Variants in LDB2 observed in about 807,000 individuals in gnomAD.
The protein encoded by LDB2 is LIM domain-binding protein 2.
In LDB2, 12 loss-of-function variants were observed where a neutral mutation model predicts 44.3. The observed-to-expected ratio is 0.27, with a 90% CI of 0.17 to 0.44. The LOEUF (loss-of-function observed/expected upper bound fraction) is 0.44, where lower values mean the gene tolerates loss of function less well. Among genes scored for constraint, LDB2 ranks in the 20% least tolerant of loss-of-function variants. The pLI, the probability that LDB2 is intolerant of heterozygous loss-of-function variation, is 1.00. For missense variants in LDB2, 344 were observed against 473.5 expected (o/e 0.73, Z 2.54); for synonymous variants, 164 against 174.8 (o/e 0.94, Z 0.49).
At chr4:16,593,256 A>C (rs10017860) in intron 3 of LDB2, among the ~76,000 whole-genome samples, 38,623 of 152,040 alleles carry the variant, frequency 0.25, 5,274 homozygotes, top group East Asian at 0.45. Context: ...TGCACATAAT[A>C]TGCTAAGTAC....
At chr4:16,677,994 C>G (rs1215595001) in intron 2 of LDB2, among the ~76,000 whole-genome samples, 1 of 152,170 alleles carries the variant, frequency 6.6e-6, no homozygotes, top group Non-Finnish European at 1.5e-5. Flanking sequence ...TTCTCTGCAG[C>G]ATCTGAAACT....
chr4:16,769,886 C>T (rs1387303442), intron 1 of LDB2, among the ~76,000 whole-genome samples: 2 of 152,052 alleles, frequency 1.3e-5, no homozygotes, highest in Admixed American at 6.6e-5. Context: ...TTGAGAAAGT[C>T]GCATATTAAA....
rs1762419736 is a variant in LDB2 at position 16,738,994 on chromosome 4, TAGA to T, written c.235+20161_235+20163del. Among the ~76,000 whole-genome samples, 5 of 152,188 alleles carry T rather than the reference TAGA, an allele frequency of 3.3e-5. No individual in the cohort carries two copies. The South Asian group carries it at 1.0e-3, about 32-fold the overall frequency. ...GGAATATGCCTCAAAATCTTTGTGATAGAAGAAGAAAATAATTAGGAAAGAAAG... is the reference window on the plus strand; with the variant it reads ...GGAATATGCCTCAAAATCTTTGTGATAGAAGAAAATAATTAGGAAAGAAAG... On this transcript the variant is annotated intron_variant, in intron 2 of 7. Transcript: ENST00000304523.
At chr4:16,602,343 G>C (rs1722795826) in intron 2 of LDB2, among the ~76,000 whole-genome samples, 1 of 152,184 alleles carries the variant, frequency 6.6e-6, no homozygotes, top group Admixed American at 6.5e-5. Context: ...GAATTAAAGA[G>C]GTCCAGGCCC....
chr4:16,800,824 G>A (rs1026253281), intron 1 of LDB2, among the ~76,000 whole-genome samples: 1 of 152,134 alleles, frequency 6.6e-6, no homozygotes, highest in Non-Finnish European at 1.5e-5. Flanking sequence ...ACAGGCGCCC[G>A]CCACCAACGC....
intron 2 of LDB2, among the ~76,000 whole-genome samples, chr4:16,727,473 G>A (rs560307901): frequency 4.0e-5 from 6 of 151,804 alleles, no homozygotes; most frequent in South Asian, 2.1e-4. Flanking sequence ...TCTGAACCCC[G>A]CTCCAGGAAC....
intron 1 of LDB2, among the ~76,000 whole-genome samples, chr4:16,867,048 G>C (rs1714944913): frequency 6.6e-6 from 1 of 152,160 alleles, no homozygotes; most frequent in Non-Finnish European, 1.5e-5. Context: ...AAGATAATAT[G>C]ACTGCTGTCT....
At chr4:16,769,298 A>C (rs1204443544) in intron 1 of LDB2, among the ~76,000 whole-genome samples, 3 of 45,386 alleles carry the variant, frequency 6.6e-5, no homozygotes, top group Admixed American at 1.6e-4. Context: ...TTTATTTTTT[A>C]TTTTTATTTT....
At chr4:16,729,344 G>A (rs969589291) in intron 2 of LDB2, among the ~76,000 whole-genome samples, 1 of 152,062 alleles carries the variant, frequency 6.6e-6, no homozygotes, top group Non-Finnish European at 1.5e-5. Flanking sequence ...TAAGGGTAAC[G>A]CACATTTGCT....
chr4:16,763,931 C>T (rs112144242), intron 1 of LDB2, among the ~76,000 whole-genome samples: 18 of 151,622 alleles, frequency 1.2e-4, no homozygotes, highest in South Asian at 2.1e-4. Flanking sequence ...AGAAACTGCC[C>T]GGCATATAGT....
At position 16,561,273 on chromosome 4, in the gene LDB2, A is replaced by C. The variant is rs139483600; in HGVS notation, c.615+24649T>G. Among the ~76,000 whole-genome samples, 3,446 of 152,278 alleles carry C rather than the reference A, an allele frequency of 0.023. 254 individuals are homozygous for C. In the East Asian group the frequency reaches 0.27, roughly 12 times the overall value. ...CATTCAATTAGGAAAAGAGGAAGTC[A>C]AATTGTCCCTGTTTGCAGATGACGT... On this transcript the variant is annotated intron_variant, in intron 5 of 7. Coordinates refer to ENST00000304523, the MANE Select transcript of LDB2 (RefSeq NM_001290.5).
chr4:16,793,790 TG>T (rs948950972), intron 1 of LDB2, among the ~76,000 whole-genome samples: 1 of 152,064 alleles, frequency 6.6e-6, no homozygotes, highest in African/African-American at 2.4e-5. Context: ...ATCTGAACCA[TG>T]ATGTGGTAAG....
At chr4:16,764,212 G>A (rs1768651750) in intron 1 of LDB2, among the ~76,000 whole-genome samples, 1 of 152,126 alleles carries the variant, frequency 6.6e-6, no homozygotes, top group African/African-American at 2.4e-5. Flanking sequence ...GCATTGACTA[G>A]AGGAAATTTC....
intron 2 of LDB2, among the ~76,000 whole-genome samples, chr4:16,713,669 G>T (rs1756419207): frequency 6.6e-6 from 1 of 152,122 alleles, no homozygotes; most frequent in Non-Finnish European, 1.5e-5. Context: ...GCACAGAGAG[G>T]TTAAGAAATT....
At chr4:16,861,371 C>G (rs1712483803) in intron 1 of LDB2, among the ~76,000 whole-genome samples, 1 of 152,146 alleles carries the variant, frequency 6.6e-6, no homozygotes, top group Admixed American at 6.5e-5. Context: ...GGCAGTATCT[C>G]TGTCTTCTAC....
At chr4:16,554,169 G>A (rs1738664846) in intron 5 of LDB2, among the ~76,000 whole-genome samples, 1 of 151,542 alleles carries the variant, frequency 6.6e-6, no homozygotes, top group African/African-American at 2.4e-5. Flanking sequence ...TCTTGCCTCA[G>A]CCTCACGAGT....
intron 5 of LDB2, among the ~76,000 whole-genome samples, chr4:16,532,510 G>T (rs1354490227): frequency 1.3e-5 from 2 of 152,112 alleles, no homozygotes; most frequent in Non-Finnish European, 2.9e-5. Context: ...CAAACTTCAG[G>T]CATTTATTTC....
At chr4:16,855,428 G>A (rs752174489) in intron 1 of LDB2, among the ~76,000 whole-genome samples, 10 of 152,040 alleles carry the variant, frequency 6.6e-5, no homozygotes, top group Non-Finnish European at 1.5e-4. Context: ...AGAATGAGAA[G>A]AATAAAGACC....
intron 5 of LDB2, among the ~76,000 whole-genome samples, chr4:16,541,334 C>A (rs1379026899): frequency 2.6e-5 from 4 of 152,138 alleles, no homozygotes; most frequent in Non-Finnish European, 4.4e-5. Context: ...CTTGCTCCTG[C>A]ATTCTCCATG....
Sources: allele counts gnomAD v4.1 joint callset (sites outside exome capture counted in the v4.1 genomes callset), GRCh38; gene constraint gnomAD v4.1.1; transcripts MANE v1.5; gene names NCBI Gene and HGNC (gene_info 2026-07-23, HGNC 2026-07-21).